The following DCAF6 variants were observed in gnomAD, a reference collection of about 807,000 sequenced individuals.
DCAF6 encodes DDB1 and CUL4 associated factor 6.
Under a neutral mutation model 125.1 loss-of-function variants are expected in DCAF6, and 54 were observed. That is an observed-to-expected ratio of 0.43 (90% CI 0.35 to 0.54). DCAF6 has a LOEUF of 0.54. Ranked by LOEUF, DCAF6 falls within the 20% of genes least tolerant of loss-of-function variation. The pLI, the probability that DCAF6 is intolerant of heterozygous loss-of-function variation, is 0.01. For synonymous variants in DCAF6, 371 were observed against 390.4 expected, an observed-to-expected ratio of 0.95 and a Z score of 0.58; for missense variants, 934 against 1,161.7, an observed-to-expected ratio of 0.80 and a Z score of 2.85.
chr1:167,938,845 T>A (rs1671778165), intron 1 of DCAF6, among the ~76,000 whole-genome samples: 1 of 152,178 alleles, frequency 6.6e-6, no homozygotes, highest in African/African-American at 2.4e-5. Flanking sequence ...TTCCCCCTCC[T>A]ACTCCAACTC....
chr1:168,063,844 G>A (rs1691931824), intron 18 of DCAF6, 85 bp downstream of exon 18: 21 of 1,322,266 alleles, frequency 1.6e-5, no homozygotes, highest in Non-Finnish European at 2.2e-5. Context: ...TTCATATATT[G>A]CCAATGGGAT....
rs920077613 is a variant in DCAF6 at position 168,062,151 on chromosome 1, A to T, written c.2301-1470A>T. Among the ~76,000 whole-genome samples the T allele has an allele frequency of 3.9e-5, 6 of 151,984 alleles. No homozygotes were observed. The South Asian group carries it at 6.2e-4, about 16-fold the overall frequency. On this transcript the variant is annotated intron_variant, in intron 17 of 21. Coordinates refer to ENST00000367840, the MANE Select transcript of DCAF6 (RefSeq NM_001198956.2). Reference sequence around the variant, plus strand: ...ATTCTGAGCTAAAGAAGCTAGACATAAAAAAAATGTATTATTCCACTTAAT... The same window carrying T: ...ATTCTGAGCTAAAGAAGCTAGACATTAAAAAAATGTATTATTCCACTTAAT...
At chr1:168,024,531 C>T (rs1305496727) in intron 12 of DCAF6, among the ~76,000 whole-genome samples, 2 of 152,108 alleles carry the variant, frequency 1.3e-5, no homozygotes, top group Admixed American at 6.5e-5. Context: ...TGGGGCCAGG[C>T]GTGGTGGCCC....
intron 12 of DCAF6, among the ~76,000 whole-genome samples, chr1:168,033,899 C>G (rs186499848): frequency 3.9e-5 from 6 of 152,300 alleles, no homozygotes; most frequent in Admixed American, 1.3e-4. Context: ...TTTTTCCCCA[C>G]TATATTGTGT....
At chr1:167,972,410 G>T (rs941049301) in intron 3 of DCAF6, among the ~76,000 whole-genome samples, 2 of 152,206 alleles carry the variant, frequency 1.3e-5, no homozygotes, top group African/African-American at 2.4e-5. Context: ...AATCAGATAA[G>T]CTTATTAAGG....
At chr1:168,056,143 A>G in intron 17 of DCAF6, 5 of 1,598,676 alleles carry the variant, frequency 3.1e-6, no homozygotes, top group Non-Finnish European at 4.3e-6. Context: ...TGTTTGTTCA[A>G]TTTTGTCCCA....
intron 10 of DCAF6, among the ~76,000 whole-genome samples, chr1:168,009,452 G>C (rs202251): frequency 0.061 from 3,966 of 64,964 alleles, 180 homozygotes; most frequent in African/African-American, 0.18. Flanking sequence ...CTTTCTTTCT[G>C]TCTCTCTCTC....
chr1:167,998,807 T>C (rs1375999774), intron 7 of DCAF6: 1 of 153,166 alleles, frequency 6.5e-6, no homozygotes, highest in Admixed American at 6.5e-5. Context: ...TCTAGTTCTT[T>C]TGTTGTTTTC....
At chr1:167,873,208 G>A in the DCAF6 span, among the ~76,000 whole-genome samples, 2 of 152,140 alleles carry the variant, frequency 1.3e-5, no homozygotes, top group Non-Finnish European at 2.9e-5. Context: ...GAAAAGTAAG[G>A]CCTCTGAGGA....
upstream of DCAF6, chr1:167,936,663 G>A (rs940315922): frequency 2.3e-6 from 1 of 442,584 alleles, no homozygotes; most frequent in Non-Finnish European, 4.0e-6. Context: ...GGCTGAGGGA[G>A]GAGACTGTTG....
chr1:168,002,430 A>G (rs1682778854), intron 7 of DCAF6, 52 bp from the exon 8 acceptor site: 1 of 1,456,734 alleles, frequency 6.9e-7, no homozygotes, highest in South Asian at 1.1e-5. Flanking sequence ...TTAAGAGTTG[A>G]GAGTAGATGA....
the DCAF6 span, among the ~76,000 whole-genome samples, chr1:167,913,531 T>A: frequency 6.6e-6 from 1 of 152,358 alleles, no homozygotes; most frequent in South Asian, 2.1e-4. Context: ...AAGTGGCTTA[T>A]TTCCCATACA....
chr1:167,947,286 TA>T (rs1358486005), intron 1 of DCAF6, among the ~76,000 whole-genome samples: 2 of 152,048 alleles, frequency 1.3e-5, no homozygotes, highest in African/African-American at 2.4e-5. Flanking sequence ...GAAAGTGGTT[TA>T]TCAATTTTTT....
At chr1:167,880,070 C>T in the DCAF6 span, 18 of 1,534,644 alleles carry the variant, frequency 1.2e-5, no homozygotes, top group Non-Finnish European at 1.5e-5. Context: ...TGGCAAGGTG[C>T]TGTGTTTGCA....
chr1:168,022,908 T>C, intron 11 of DCAF6, 80 bp from the exon 12 acceptor site: 1 of 1,320,618 alleles, frequency 7.6e-7, no homozygotes, highest in Non-Finnish European at 1.1e-6. Context: ...CATTTGTTTC[T>C]TAAGCTTAGA....
chr1:168,002,638 C>T (rs1571889503), intron 8 of DCAF6, 63 bp downstream of exon 8: 1 of 1,249,624 alleles, frequency 8.0e-7, no homozygotes, highest in Non-Finnish European at 1.1e-6. Flanking sequence ...TTTTAACTTC[C>T]AGTTTCTTCA....
intron 4 of DCAF6, among the ~76,000 whole-genome samples, chr1:167,975,542 A>G (rs1159728999): frequency 6.6e-6 from 1 of 152,204 alleles, no homozygotes; most frequent in Non-Finnish European, 1.5e-5. Context: ...GAAAAAATGT[A>G]CAACTGAGTT....
intron 13 of DCAF6, among the ~76,000 whole-genome samples, chr1:168,041,382 T>A (rs1688512794): frequency 6.6e-6 from 1 of 152,088 alleles, no homozygotes; most frequent in South Asian, 2.1e-4. Flanking sequence ...GGTGTTTGTT[T>A]TTCAGTTTAC....
At chr1:167,952,867 A>AT (rs1290438252) in intron 2 of DCAF6, among the ~76,000 whole-genome samples, 1 of 152,218 alleles carries the variant, frequency 6.6e-6, no homozygotes, top group African/African-American at 2.4e-5. Flanking sequence ...AATTTTTATT[A>AT]TAAAAATTTC....
Sources: allele counts gnomAD v4.1 joint callset (sites outside exome capture counted in the v4.1 genomes callset), GRCh38; gene constraint gnomAD v4.1.1; transcripts MANE v1.5; gene names NCBI Gene and HGNC (gene_info 2026-07-23, HGNC 2026-07-21).